TNS4: variants seen among roughly 807,000 people sequenced by gnomAD.
TNS4 encodes tensin 4, also known as tensin-4.
Under a neutral mutation model 70.4 loss-of-function variants are expected in TNS4, and 46 were observed. That is an observed-to-expected ratio of 0.65 (90% CI 0.52 to 0.84). The LOEUF (loss-of-function observed/expected upper bound fraction) is 0.84, where lower values mean the gene tolerates loss of function less well. Among genes scored for constraint, TNS4 ranks in the 40% least tolerant of loss-of-function variants. The pLI is 0.00. For missense variants in TNS4, 863 were observed against 907.0 expected (o/e 0.95, Z 0.62); for synonymous variants, 390 against 366.6 (o/e 1.06, Z -0.73).
rs1411656228 is a variant in TNS4 at position 40,476,292 on chromosome 17, G to C, written c.*1296C>G. On this transcript the variant is annotated 3_prime_UTR_variant, in exon 13 of 13. Coordinates refer to ENST00000254051, the MANE Select transcript of TNS4 (RefSeq NM_032865.6). Reference sequence around the variant, plus strand: ...GCTCCTCCAAGCCTCTTAGGGAAGCGGCCTCTTTGCATTCTTGACTCTCTG... The same window carrying C: ...GCTCCTCCAAGCCTCTTAGGGAAGCCGCCTCTTTGCATTCTTGACTCTCTG... The C allele has an allele frequency of 6.6e-6, 1 of 152,048 alleles. No individual in the cohort carries two copies. Among genetic ancestry groups the C allele is most frequent in the East Asian group, 1.9e-4 (1 of 5,192 alleles). The allele number at this position is 152,048 out of a possible 1,614,324, so 9.4% of individuals were successfully genotyped here. A position where few individuals can be genotyped will look rare whatever the true frequency, so the allele number is the denominator to read the frequency against.
chr17:40,486,450 T>C (rs2035990167), intron 4 of TNS4, among the ~76,000 whole-genome samples: 1 of 151,978 alleles, frequency 6.6e-6, no homozygotes, highest in Admixed American at 6.6e-5. Context: ...GGGTGATCCA[T>C]TGAGCGAGCA....
Position 40,479,849 on chromosome 17 carries a change from G to C in TNS4, c.1742-7C>G, listed in dbSNP as rs1272851973. 6.2e-7 allele frequency: 1 copy of C among 1,607,490 alleles called. No individual in the cohort carries two copies. The highest frequency in any genetic ancestry group is 2.2e-5 in the East Asian group (1 of 44,636). ...AGGTACAGGGTGTGGCAGCCTGTGG[G>C]AGGCAGACACTGCGCTGGGGCCACT... is the stretch of plus-strand genomic sequence containing the variant. On this transcript the variant is annotated splice_polypyrimidine_tract_variant and splice_region_variant and intron_variant, in intron 9 of 12. Coordinates refer to ENST00000254051, the MANE Select transcript of TNS4 (RefSeq NM_032865.6).
At chr17:40,486,998 A>G in intron 4 of TNS4, 38 bp downstream of exon 4, 1 of 1,600,350 alleles carries the variant, frequency 6.2e-7, no homozygotes, top group Admixed American at 1.7e-5. Flanking sequence ...TCTATTCCCC[A>G]AATCTTACAT....
In TNS4 at chr17:40,484,623, T is replaced by A; in HGVS notation, c.1376-14A>T. The A allele has an allele frequency of 6.2e-7, 1 of 1,611,184 alleles. No individual in the cohort carries two copies. ...GCAGCTCGATTGCTGGAACAATCCT[T>A]GAGTCAGAGATGGACACCGCCCCAC... On this transcript the variant is annotated splice_polypyrimidine_tract_variant and intron_variant, in intron 5 of 12. Coordinates refer to ENST00000254051, the MANE Select transcript of TNS4 (RefSeq NM_032865.6).
chr17:40,480,524 T>C (rs2035907961), intron 9 of TNS4, among the ~76,000 whole-genome samples, 176 bp downstream of exon 9: 1 of 152,116 alleles, frequency 6.6e-6, no homozygotes, highest in African/African-American at 2.4e-5. Context: ...TCTTCTGTTT[T>C]ACAGGGGTGA....
In TNS4 at chr17:40,484,914, C is replaced by T; in HGVS notation, c.1375+7G>A. The T allele has an allele frequency of 6.2e-7, 1 of 1,614,142 alleles. No homozygotes were observed. Among genetic ancestry groups the T allele is most frequent in the Middle Eastern group, 1.6e-4 (1 of 6,062 alleles). ...CCTATTCTGGGGTCACTCGTGCTTC[C>T]TTTTACCTTGCTCTCGGGTGATGTT... On this transcript the variant is annotated splice_region_variant and intron_variant, in intron 5 of 12. Coordinates refer to ENST00000254051, the MANE Select transcript of TNS4 (RefSeq NM_032865.6).
intron 12 of TNS4, chr17:40,478,047 C>T: frequency 1.6e-6 from 1 of 609,578 alleles, no homozygotes; most frequent in East Asian, 2.8e-5. Context: ...CAGACTGGGA[C>T]ATTCCAATAG....
chr17:40,479,295 G>C (rs2035890457), intron 10 of TNS4, among the ~76,000 whole-genome samples: 1 of 152,102 alleles, frequency 6.6e-6, no homozygotes, highest in Non-Finnish European at 1.5e-5. Flanking sequence ...TTACAGGTGC[G>C]TGCCACCATG....
Position 40,484,502 on chromosome 17 carries a change from A to T in TNS4, c.1483T>A (p.Ser495Thr), listed in dbSNP as rs1349510361. Residue 495 changes from serine (S) to threonine (T), a missense_variant, in exon 6 of 13, where the codon TCT becomes ACT. Physicochemically the swap from Ser to Thr is moderately conservative, Grantham distance 58 (BLOSUM62 1). Coordinates refer to ENST00000254051, the MANE Select transcript of TNS4 (RefSeq NM_032865.6). Reference protein sequence around the residue: ...LALKVQEVPASAQSRPGEDSN... With the variant: ...LALKVQEVPATAQSRPGEDSN... ...CGCATACCTGGTCGACTCTGAGCAG[A>T]CGCGGGAACCTCCTGCACCTTCAGG... is the stretch of plus-strand genomic sequence containing the variant. The T allele has an allele frequency of 1.2e-6, 2 of 1,611,560 alleles. No homozygotes were observed. Among genetic ancestry groups the T allele is most frequent in the East Asian group, 2.2e-5 (1 of 44,874 alleles).
chr17:40,477,605 C>T lies in TNS4; in HGVS notation c.2131G>A (p.Asp711Asn). The T allele has an allele frequency of 6.2e-7, 1 of 1,614,154 alleles. No individual in the cohort carries two copies. The highest frequency in any genetic ancestry group is 1.3e-5 in the African/African-American group (1 of 75,062). Reference sequence around the variant, plus strand: ...TCTCTCCCCTACATCCTTTCTGCGTCCTGCAGCAGAGCAGTCACCAGGCCG... The same window carrying T: ...TCTCTCCCCTACATCCTTTCTGCGTTCTGCAGCAGAGCAGTCACCAGGCCG... ...VIGLVTALLQ[D>N]AERM Residue 711 changes from aspartate to asparagine, a missense_variant, in exon 13 of 13, where the codon GAC (aspartate) becomes AAC (asparagine). By Grantham distance (23) the Asp-to-Asn change is conservative. Coordinates refer to ENST00000254051, the MANE Select transcript of TNS4 (RefSeq NM_032865.6).
intron 1 of TNS4, among the ~76,000 whole-genome samples, chr17:40,499,533 G>A (rs970453906): frequency 3.3e-5 from 5 of 152,230 alleles, no homozygotes; most frequent in Admixed American, 1.3e-4. Flanking sequence ...AGGTCGCACA[G>A]GTTTCATGAG....
intron 9 of TNS4, among the ~76,000 whole-genome samples, chr17:40,480,351 A>T (rs1476370113): frequency 6.6e-6 from 1 of 151,906 alleles, no homozygotes; most frequent in East Asian, 1.9e-4. Flanking sequence ...TAGACCTGAC[A>T]CCCCATAGAG....
At chr17:40,485,389 CT>C (rs755096662) in intron 4 of TNS4, among the ~76,000 whole-genome samples, 17 of 152,340 alleles carry the variant, frequency 1.1e-4, no homozygotes, top group South Asian at 6.2e-4. Context: ...TCTCCTTCGT[CT>C]TCATAATCCT....
At position 40,477,438 on chromosome 17, in the gene TNS4, A is replaced by C. The variant is rs2035861929; in HGVS notation, c.*150T>G. The C allele has an allele frequency of 9.9e-7, 1 of 1,013,026 alleles. No individual in the cohort carries two copies. The highest frequency in any genetic ancestry group is 2.7e-5 in the Admixed American group (1 of 36,890). The allele number at this position is 1,013,026 out of a possible 1,614,324, so 62.8% of individuals were successfully genotyped here. On this transcript the variant is annotated 3_prime_UTR_variant, in exon 13 of 13. Coordinates refer to ENST00000254051, the MANE Select transcript of TNS4 (RefSeq NM_032865.6). ...GATGGTGACTGCTGAAGGCCATAGC[A>C]GGTTCAAGGGTGTCAACTTGATGCC...
intron 4 of TNS4, 142 bp downstream of exon 4, chr17:40,486,894 C>G: frequency 9.1e-7 from 1 of 1,096,338 alleles, no homozygotes; most frequent in Admixed American, 2.1e-5. Context: ...CTGTTTCCCT[C>G]TGTGTGTCCT....
At position 40,479,744 on chromosome 17, in the gene TNS4, G is replaced by A; in HGVS notation, c.1840C>T (p.Leu614Phe). 2 of 1,614,090 alleles carry A rather than the reference G, an allele frequency of 1.2e-6. No homozygotes were observed. Among genetic ancestry groups the A allele is most frequent in the Non-Finnish European group, 8.5e-7 (1 of 1,180,022 alleles). Reference sequence around the variant, plus strand: ...AAGTGGACCACGGTGGGCGTGGGGAGGATGTCCCTCTCAAAGGTGGTGGAG... The same window carrying A: ...AAGTGGACCACGGTGGGCGTGGGGAAGATGTCCCTCTCAAAGGTGGTGGAG... ...AISTTFERDILPTPTVVHFKV... is the reference protein window; with the variant it reads ...AISTTFERDIFPTPTVVHFKV... The change falls in exon 10 of 13, where the codon CTC becomes TTC. Residue 614 changes from leucine (L) to phenylalanine (F), a missense_variant. Physicochemically the swap from Leu to Phe is conservative, Grantham distance 22. Coordinates refer to ENST00000254051, the MANE Select transcript of TNS4 (RefSeq NM_032865.6).
intron 10 of TNS4, 113 bp downstream of exon 10, chr17:40,479,561 G>A (rs1377866619): frequency 7.3e-7 from 1 of 1,361,308 alleles, no homozygotes; most frequent in Non-Finnish European, 9.9e-7. Context: ...GGCCCCGCTG[G>A]GTCATCCAGA....
intron 6 of TNS4, among the ~76,000 whole-genome samples, chr17:40,483,820 T>C (rs1043677804): frequency 4.6e-5 from 7 of 152,340 alleles, no homozygotes; most frequent in African/African-American, 1.7e-4. Context: ...ATTAAGTAAC[T>C]CTGGGAGCCT....
Position 40,480,686 on chromosome 17 carries a change from C to T in TNS4, c.1741+14G>A, listed in dbSNP as rs2035910231. The T allele has an allele frequency of 1.3e-6, 2 of 1,537,414 alleles. No individual in the cohort carries two copies. Among genetic ancestry groups the T allele is most frequent in the South Asian group, 2.5e-5 (2 of 79,242 alleles). On this transcript the variant is annotated intron_variant, in intron 9 of 12. Transcript: ENST00000254051. ...CACAGCCAAGCTTGGCGCCTCCCTT[C>T]CTGTACCACTCACCCGCAGATTTCT... is the stretch of plus-strand genomic sequence containing the variant.
Sources: allele counts gnomAD v4.1 joint callset (sites outside exome capture counted in the v4.1 genomes callset), GRCh38; gene constraint gnomAD v4.1.1; transcripts MANE v1.5; gene names NCBI Gene and HGNC (gene_info 2026-07-23, HGNC 2026-07-21).